SHROOM3: variants seen among roughly 807,000 people sequenced by gnomAD.
SHROOM3 encodes protein Shroom3.
Under a neutral mutation model 138.6 loss-of-function variants are expected in SHROOM3, and 47 were observed. That is an observed-to-expected ratio of 0.34 (90% confidence interval 0.27 to 0.43). The LOEUF (loss-of-function observed/expected upper bound fraction) is 0.43. Ranked by LOEUF, SHROOM3 falls within the 20% of genes least tolerant of loss-of-function variation. The pLI is 1.00. For synonymous variants in SHROOM3, 1,062 were observed against 1,063.3 expected (o/e 1.00, Z 0.02); for missense variants, 2,491 against 2,596.5 (o/e 0.96, Z 0.88).
intron 2 of SHROOM3, chr4:76,689,688 A>G (rs2110107195): frequency 1.8e-5 from 18 of 985,376 alleles, no homozygotes; most frequent in Non-Finnish European, 2.0e-5. Flanking sequence ...GGCGGCCGCG[A>G]GGCGAGCGGC....
At position 76,749,048 on chromosome 4, in the gene SHROOM3, G is replaced by T. The variant is rs764340759; in HGVS notation, c.3785G>T (p.Gly1262Val). 5 of 1,613,856 alleles carry T rather than the reference G, an allele frequency of 3.1e-6. No homozygotes were observed. In the African/African-American group the frequency reaches 5.3e-5, roughly 17 times the overall value. ...DVLLGQDSGF[G>V]LVKDPCYLAG... ...CTTTTGGGGCAAGACAGTGGCTTTG[G>T]TCTTGTGAAGGATCCATGTTATTTG... Residue 1262 changes from glycine (G) to valine (V), a missense_variant, in exon 6 of 11, where the codon GGT becomes GTT. Around this residue, in one of 4 missense-constraint regions of SHROOM3, gnomAD observed 1,733 missense variants for 1,661.6 expected, o/e 1.04. Transcript: ENST00000296043.
chr4:76,742,471 C>T (rs1038922630), intron 5 of SHROOM3, among the ~76,000 whole-genome samples: 2 of 152,018 alleles, frequency 1.3e-5, no homozygotes, highest in African/African-American at 4.8e-5. Context: ...CATGATAATC[C>T]TGTGCAGCAG....
intron 2 of SHROOM3, among the ~76,000 whole-genome samples, chr4:76,673,011 G>A (rs899724012): frequency 2.6e-5 from 4 of 152,122 alleles, no homozygotes; most frequent in South Asian, 2.1e-4. Context: ...GCTGTTTGTC[G>A]CTTTGATCAA....
At chr4:76,495,454 C>T (rs1321458434) in intron 1 of SHROOM3, among the ~76,000 whole-genome samples, 1 of 152,254 alleles carries the variant, frequency 6.6e-6, no homozygotes, top group East Asian at 1.9e-4. Context: ...TGTGCCCTTC[C>T]TGCTCCAGAG....
At chr4:76,465,637 C>T (rs1731235282) in intron 1 of SHROOM3, among the ~76,000 whole-genome samples, 1 of 152,168 alleles carries the variant, frequency 6.6e-6, no homozygotes, top group Admixed American at 6.5e-5. Flanking sequence ...TTTCTGATAC[C>T]TCACTTGTTT....
Position 76,781,188 on chromosome 4 carries a change from T to TGCGA in SHROOM3, c.*2012_*2015dup, listed in dbSNP as rs1189206543. The TGCGA allele has an allele frequency of 2.0e-5, 3 of 152,072 alleles. No individual in the cohort carries two copies. Among genetic ancestry groups the TGCGA allele is most frequent in the Admixed American group, 2.0e-4 (3 of 15,258 alleles). The allele number at this position is 152,072 out of a possible 1,614,324, so 9.4% of individuals were successfully genotyped here. A position where few individuals can be genotyped will look rare whatever the true frequency, so the allele number is the denominator to read the frequency against. On this transcript the variant is annotated 3_prime_UTR_variant, in exon 11 of 11. Transcript: ENST00000296043. Reference sequence around the variant, plus strand: ...TTGCCCAGGCTGGAGTGCAGAGTGGTGCGATAACAGCTCATTGCAGTCTGA... The same window carrying TGCGA: ...TTGCCCAGGCTGGAGTGCAGAGTGGTGCGAGCGATAACAGCTCATTGCAGTCTGA...
chr4:76,688,978 T>A (rs1249538958), intron 2 of SHROOM3: 6 of 757,832 alleles, frequency 7.9e-6, no homozygotes, highest in African/African-American at 1.9e-5. Flanking sequence ...TTTTTTTTTT[T>A]AGCTGTGAAC....
intron 7 of SHROOM3, 44 bp from the exon 8 acceptor site, chr4:76,756,405 T>TTCTCTC (rs11383066): frequency 0.053 from 75,660 of 1,441,054 alleles, 578 homozygotes; most frequent in Non-Finnish European, 0.061. Context: ...CACTCTCTCT[T>TTCTCTC]TCTCTCTCTC....
At chr4:76,453,098 T>A (rs1730958120) in intron 1 of SHROOM3, among the ~76,000 whole-genome samples, 1 of 152,190 alleles carries the variant, frequency 6.6e-6, no homozygotes. Flanking sequence ...GGTCTATACC[T>A]AGAAGTGGCA....
intron 1 of SHROOM3, among the ~76,000 whole-genome samples, chr4:76,535,426 T>C (rs926748807): frequency 6.6e-6 from 1 of 152,200 alleles, no homozygotes; most frequent in African/African-American, 2.4e-5. Flanking sequence ...AGCAATTCTC[T>C]CTTAGGATTA....
At chr4:76,766,037 T>G (rs1295377277) in intron 9 of SHROOM3, among the ~76,000 whole-genome samples, 1 of 152,222 alleles carries the variant, frequency 6.6e-6, no homozygotes, top group Non-Finnish European at 1.5e-5. Context: ...AATAAAGTGA[T>G]GAAAGTCTGA....
At chr4:76,579,149 A>C (rs532525687) in intron 2 of SHROOM3, among the ~76,000 whole-genome samples, 2 of 152,272 alleles carry the variant, frequency 1.3e-5, no homozygotes, top group African/African-American at 4.8e-5. Context: ...ACTGCTCTCC[A>C]GCCTGGGCGA....
intron 1 of SHROOM3, among the ~76,000 whole-genome samples, chr4:76,491,378 A>G (rs1731846376): frequency 6.6e-6 from 1 of 152,220 alleles, no homozygotes; most frequent in Non-Finnish European, 1.5e-5. Flanking sequence ...TTAGTGGGAA[A>G]TGTGGCAGCT....
At chr4:76,517,055 T>C (rs758405064) in intron 1 of SHROOM3, among the ~76,000 whole-genome samples, 1 of 152,220 alleles carries the variant, frequency 6.6e-6, no homozygotes, top group Non-Finnish European at 1.5e-5. Flanking sequence ...ACTTTCTCAG[T>C]CTTACAATGG....
chr4:76,667,759 G>C (rs1381188573), intron 2 of SHROOM3, among the ~76,000 whole-genome samples: 1 of 151,280 alleles, frequency 6.6e-6, no homozygotes, highest in Non-Finnish European at 1.5e-5. Context: ...ATGAGGTCAG[G>C]AGATCGAGAC....
intron 1 of SHROOM3, among the ~76,000 whole-genome samples, chr4:76,448,260 C>T (rs896965571): frequency 6.6e-6 from 1 of 152,130 alleles, no homozygotes; most frequent in African/African-American, 2.4e-5. Flanking sequence ...GTCAACACAT[C>T]ATTTATTGAG....
At chr4:76,734,828 G>T (rs557750011) in intron 4 of SHROOM3, among the ~76,000 whole-genome samples, 2 of 148,690 alleles carry the variant, frequency 1.3e-5, no homozygotes, top group South Asian at 2.3e-4. Flanking sequence ...TAACCAAAGG[G>T]ATATGATATA....
chr4:76,441,437 C>A (rs986533088), intron 1 of SHROOM3, among the ~76,000 whole-genome samples: 1 of 152,168 alleles, frequency 6.6e-6, no homozygotes, highest in African/African-American at 2.4e-5. Context: ...TCCCCAAGAC[C>A]TGGATCTGGT....
intron 2 of SHROOM3, among the ~76,000 whole-genome samples, chr4:76,602,276 TA>T (rs1161708431): frequency 1.3e-5 from 2 of 151,188 alleles, no homozygotes; most frequent in Admixed American, 1.3e-4. Flanking sequence ...TAAGAATAAC[TA>T]AAAAAAAATT....
Sources: gnomAD v4.1 joint callset for allele counts (sites outside exome capture counted in the v4.1 genomes callset) on GRCh38, gnomAD v4.1.1 for gene constraint, gnomAD v4.1.1 regional missense constraint, MANE v1.5 for transcripts, NCBI Gene and HGNC (gene_info 2026-07-23, HGNC 2026-07-21) for gene names.